Variants in CHMP6 observed in about 807,000 individuals in gnomAD.
CHMP6 encodes the protein chromatin-modifying protein 6.
A neutral mutation model predicts 32.8 loss-of-function variants in CHMP6; 10 were observed. The ratio of observed to expected loss-of-function variants is 0.30; its 90% CI spans 0.19 to 0.52. The LOEUF is 0.52. Among genes scored for constraint, CHMP6 ranks in the 20% least tolerant of loss-of-function variants. The pLI, the probability that CHMP6 is intolerant of heterozygous loss-of-function variation, is 0.97. For synonymous variants in CHMP6, 123 were observed against 105.8 expected, an observed-to-expected ratio of 1.16 and a Z score of -1.00; for missense variants, 269 against 263.8, an observed-to-expected ratio of 1.02 and a Z score of -0.14.
At chr17:80,993,956 AGGCTGGAACACAGTGGCATACTCTC>A (rs1209596383) in intron 1 of CHMP6, among the ~76,000 whole-genome samples, 1 of 151,804 alleles carries the variant, frequency 6.6e-6, no homozygotes. Flanking sequence ...TCTGTCACCC[AGGCTGGAACACAGTGGCATACTCTC>A]GGCTCACTGC....
rs750990282 is a variant in CHMP6 at position 80,998,437 on chromosome 17, T to A, written c.550+17T>A. ...AGATCCCAGGTATTTCCATGTTTGATTCTTTTGAATGGTTGGAATTCGCAG... is the reference window on the plus strand; with the variant it reads ...AGATCCCAGGTATTTCCATGTTTGAATCTTTTGAATGGTTGGAATTCGCAG... On this transcript the variant is annotated intron_variant, in intron 7 of 7. Coordinates refer to ENST00000325167, the MANE Select transcript of CHMP6 (RefSeq NM_024591.5). 6.2e-7 allele frequency: 1 copy of A among 1,614,144 alleles called. No individual in the cohort carries two copies. The highest frequency in any genetic ancestry group is 1.1e-5 in the South Asian group (1 of 91,082).
In CHMP6 at chr17:80,991,887, T is replaced by C. The variant is rs975331741; in HGVS notation, c.-32T>C. ...GCGGGGCGGCGGTGGCGATTGGACTTGGTGGGTCCCGGGCCAGGGGCGGGC... is the reference window on the plus strand; with the variant it reads ...GCGGGGCGGCGGTGGCGATTGGACTCGGTGGGTCCCGGGCCAGGGGCGGGC... On this transcript the variant is annotated 5_prime_UTR_variant, in exon 1 of 8. Transcript: ENST00000325167. The C allele has an allele frequency of 1.1e-5, 16 of 1,401,906 alleles. No individual in the cohort carries two copies. The Admixed American group carries it at 2.5e-4, about 22-fold the overall frequency. The allele number at this position is 1,401,906 out of a possible 1,614,324, so 86.8% of individuals were successfully genotyped here.
chr17:80,999,178 C>G lies in CHMP6; in HGVS notation c.*25C>G. The G allele has an allele frequency of 6.2e-7, 1 of 1,613,470 alleles. No individual in the cohort carries two copies. The highest frequency in any genetic ancestry group is 8.5e-7 in the Non-Finnish European group (1 of 1,179,604). ...ACGTGGCCTCGTCTTGTGGGACTCACGGGGATGCCCCAGGGACTGTGGCCC... is the reference window on the plus strand; with the variant it reads ...ACGTGGCCTCGTCTTGTGGGACTCAGGGGGATGCCCCAGGGACTGTGGCCC... On this transcript the variant is annotated 3_prime_UTR_variant, in exon 8 of 8. Transcript: ENST00000325167.
At chr17:80,993,330 A>C (rs59296367) in intron 1 of CHMP6, among the ~76,000 whole-genome samples, 1 of 151,680 alleles carries the variant, frequency 6.6e-6, no homozygotes, top group East Asian at 1.9e-4. Context: ...CCCTCCACTG[A>C]GACCTTGTTT....
rs766798191 is a variant in CHMP6 at position 80,998,562 on chromosome 17, C to T, written c.550+142C>T. On this transcript the variant is annotated intron_variant, in intron 7 of 7. Coordinates refer to ENST00000325167, the MANE Select transcript of CHMP6 (RefSeq NM_024591.5). Reference sequence around the variant, plus strand: ...CCTGGCTGTTTGGCTTGGGGGCGTGCGTGCCTGGCCTTGGGGTTGGGCTTG... The same window carrying T: ...CCTGGCTGTTTGGCTTGGGGGCGTGTGTGCCTGGCCTTGGGGTTGGGCTTG... 1.2e-5 allele frequency: 19 copies of T among 1,530,472 alleles called. No homozygotes were observed. In the Admixed American group the frequency reaches 2.8e-4, roughly 23 times the overall value. 94.8% of individuals were successfully genotyped at this position (1,530,472 alleles called of 1,614,324 possible). A position where few individuals can be genotyped will look rare whatever the true frequency, so the allele number is the denominator to read the frequency against.
chr17:80,997,396 C>T lies in CHMP6; in HGVS notation c.495+55C>T, dbSNP rs1598440163. 7 of 1,452,706 alleles carry T rather than the reference C, an allele frequency of 4.8e-6. No homozygotes were observed. The East Asian group carries it at 1.4e-4, about 29-fold the overall frequency. 90.0% of individuals were successfully genotyped at this position (1,452,706 alleles called of 1,614,324 possible). A position where few individuals can be genotyped will look rare whatever the true frequency, so the allele number is the denominator to read the frequency against. On this transcript the variant is annotated intron_variant, in intron 6 of 7. Coordinates refer to ENST00000325167, the MANE Select transcript of CHMP6 (RefSeq NM_024591.5). Reference sequence around the variant, plus strand: ...CACTCAGGCAGCGGGACCCCCAGAGCTCAGACCCCCAGGAGGCCCTGCCCA... The same window carrying T: ...CACTCAGGCAGCGGGACCCCCAGAGTTCAGACCCCCAGGAGGCCCTGCCCA...
In CHMP6 at chr17:80,994,652, C is replaced by T. The variant is rs779857470; in HGVS notation, c.135C>T (p.Arg45=). ...KRIAQQLERE[R]ALARQLLRDG... ...TCGCCCAGCAGCTGGAGCGCGAGCG[C>T]GCCCTGGCCCGGCAGCTGCTGCGGG... The change falls in exon 2 of 8, where the codon CGC becomes CGT. Residue 45 remains arginine, a synonymous_variant. Coordinates refer to ENST00000325167, the MANE Select transcript of CHMP6 (RefSeq NM_024591.5). 13 of 1,582,448 alleles carry T rather than the reference C, an allele frequency of 8.2e-6. No homozygotes were observed. The highest frequency in any genetic ancestry group is 1.2e-5 in the South Asian group (1 of 86,336).
In CHMP6 at chr17:80,998,412, A is replaced by G; in HGVS notation, c.542A>G (p.Lys181Arg). 1 of 1,614,200 alleles carries G rather than the reference A, an allele frequency of 6.2e-7. No homozygotes were observed. The highest frequency in any genetic ancestry group is 8.5e-7 in the Non-Finnish European group (1 of 1,180,022). The change falls in exon 7 of 8, where the codon AAG (lysine) becomes AGG (arginine). Residue 181 changes from lysine to arginine, a missense_variant. Coordinates refer to ENST00000325167, the MANE Select transcript of CHMP6 (RefSeq NM_024591.5). ...PEVPSEPLPE[K>R]IPENVPVKAR... Reference sequence around the variant, plus strand: ...GTTCCCTCCGAGCCCCTTCCTGAGAAGATCCCAGGTATTTCCATGTTTGAT... The same window carrying G: ...GTTCCCTCCGAGCCCCTTCCTGAGAGGATCCCAGGTATTTCCATGTTTGAT...
chr17:80,994,469 C>T (rs2069619015), intron 1 of CHMP6, 112 bp from the exon 2 acceptor site: 1 of 864,576 alleles, frequency 1.2e-6, no homozygotes. Flanking sequence ...GCAACCCTGC[C>T]CCATGAAGGA....
At position 80,994,592 on chromosome 17, in the gene CHMP6, G is replaced by A; in HGVS notation, c.75G>A (p.Gln25=). Residue 25 remains glutamine (Q), a synonymous_variant, in exon 2 of 8, where the codon CAG becomes CAA. Transcript: ENST00000325167. The part of the protein sequence containing the change: ...EQDKAILQLK[Q]QRDKLRQYQK... ...CTCTCTCTTGGCAGCAACTGAAGCA[G>A]CAGCGGGACAAGCTGAGGCAGTACC... The A allele has an allele frequency of 1.9e-6, 3 of 1,576,914 alleles. No homozygotes were observed. The highest frequency in any genetic ancestry group is 8.6e-7 in the Non-Finnish European group (1 of 1,163,312).
chr17:80,994,991 C>G, intron 2 of CHMP6, 28 bp from the exon 3 acceptor site: 1 of 1,568,734 alleles, frequency 6.4e-7, no homozygotes, highest in East Asian at 2.3e-5. Flanking sequence ...AGGGCCACAG[C>G]GGGTCACTCT....
At chr17:80,998,307 C>A in intron 6 of CHMP6, 59 bp from the exon 7 acceptor site, 2 of 1,602,512 alleles carry the variant, frequency 1.2e-6, no homozygotes. Context: ...TCGGGGAGGC[C>A]CAGGCAGCCC....
At position 80,991,944 on chromosome 17, in the gene CHMP6, A is replaced by G; in HGVS notation, c.26A>G (p.Lys9Arg). 6.8e-7 allele frequency: 1 copy of G among 1,468,046 alleles called. No homozygotes were observed. Among genetic ancestry groups the G allele is most frequent in the Non-Finnish European group, 9.1e-7 (1 of 1,103,522 alleles). 90.9% of individuals were successfully genotyped at this position (1,468,046 alleles called of 1,614,324 possible). ...ATGGGTAACCTGTTCGGCCGCAAGA[A>G]GCAGAGCCGCGTCACGGAGCAGGAC... is the stretch of plus-strand genomic sequence containing the variant. MGNLFGRK[K>R]QSRVTEQDKA... Residue 9 changes from lysine (K) to arginine (R), a missense_variant, in exon 1 of 8, where the codon AAG becomes AGG. Physicochemically the swap from Lys to Arg is conservative, Grantham distance 26 (BLOSUM62 2). Transcript: ENST00000325167.
At position 80,996,608 on chromosome 17, in the gene CHMP6, C is replaced by T. The variant is rs111958287; in HGVS notation, c.349-399C>T. Reference sequence around the variant, plus strand: ...ACTCAAAAGAAATCAAGTCACCTGCCCAGAATGTTCTACCTGTTGCTTGTT... The same window carrying T: ...ACTCAAAAGAAATCAAGTCACCTGCTCAGAATGTTCTACCTGTTGCTTGTT... On this transcript the variant is annotated intron_variant, in intron 4 of 7. Coordinates refer to ENST00000325167, the MANE Select transcript of CHMP6 (RefSeq NM_024591.5). Among the ~76,000 whole-genome samples the T allele has an allele frequency of 1.5e-3, 236 of 152,334 alleles. 2 individuals are homozygous for T. The highest frequency in any genetic ancestry group is 0.011 in the South Asian group (53 of 4,828).
In CHMP6 at chr17:80,998,392, C is replaced by T. The variant is rs61752553; in HGVS notation, c.522C>T (p.Pro174=). The part of the protein sequence containing the change: ...TQEQIELPEV[P]SEPLPEKIPE... ...AACAAATAGAGCTGCCAGAGGTTCCCTCCGAGCCCCTTCCTGAGAAGATCC... is the reference window on the plus strand; with the variant it reads ...AACAAATAGAGCTGCCAGAGGTTCCTTCCGAGCCCCTTCCTGAGAAGATCC... Residue 174 remains proline (P), a synonymous_variant, in exon 7 of 8, where the codon CCC becomes CCT. Coordinates refer to ENST00000325167, the MANE Select transcript of CHMP6 (RefSeq NM_024591.5). The T allele has an allele frequency of 2.3e-5, 37 of 1,614,120 alleles. No homozygotes were observed. The highest frequency in any genetic ancestry group is 1.6e-4 in the African/African-American group (12 of 74,946).
chr17:80,998,600 G>T lies in CHMP6; in HGVS notation c.550+180G>T. 2.1e-6 allele frequency: 3 copies of T among 1,459,754 alleles called. No homozygotes were observed. In the South Asian group the frequency reaches 4.2e-5, roughly 21 times the overall value. The allele number at this position is 1,459,754 out of a possible 1,614,324, so 90.4% of individuals were successfully genotyped here. ...GGGGTTGGGCTTGGGTTTCCCAGGG[G>T]TTCGGTAACTGGGCAACCTCATAAG... On this transcript the variant is annotated intron_variant, in intron 7 of 7. Transcript: ENST00000325167.
chr17:80,997,960 G>T (rs1006400020), intron 6 of CHMP6, among the ~76,000 whole-genome samples: 2 of 152,230 alleles, frequency 1.3e-5, no homozygotes, highest in South Asian at 2.1e-4. Context: ...AGAAGCACCC[G>T]TGCTGGCTTA....
chr17:80,999,093 C>T lies in CHMP6; in HGVS notation c.551-5C>T. ...GTGTCATAAACATCTCTGTTTCCTC[C>T]ACAGAAAACGTCCCTGTCAAGGCCA... On this transcript the variant is annotated splice_region_variant and splice_polypyrimidine_tract_variant and intron_variant, in intron 7 of 7. Transcript: ENST00000325167. The T allele has an allele frequency of 6.2e-7, 1 of 1,613,840 alleles. No homozygotes were observed. Among genetic ancestry groups the T allele is most frequent in the Non-Finnish European group, 8.5e-7 (1 of 1,179,826 alleles).
At chr17:80,998,728 C>T (rs2069660760) in intron 7 of CHMP6, 4 of 1,333,608 alleles carry the variant, frequency 3.0e-6, no homozygotes, top group Non-Finnish European at 3.9e-6. Flanking sequence ...AGGATTAGCC[C>T]TCAGCCAGGG....
Sources: allele counts gnomAD v4.1 joint callset (sites outside exome capture counted in the v4.1 genomes callset), GRCh38; gene constraint gnomAD v4.1.1; transcripts MANE v1.5; gene names NCBI Gene and HGNC (gene_info 2026-07-23, HGNC 2026-07-21).